CDH20: variants seen among roughly 807,000 people sequenced by gnomAD.
The protein encoded by CDH20 is cadherin-20.
Under a neutral mutation model 74.2 loss-of-function variants are expected in CDH20, and 29 were observed. The observed-to-expected ratio is 0.39, with a 90% CI of 0.29 to 0.53. CDH20 has a LOEUF of 0.53. Among genes scored for constraint, CDH20 ranks in the 20% least tolerant of loss-of-function variants. The probability of loss-of-function intolerance (pLI) is 0.69; values close to 1 mark genes in which losing one functional copy is unlikely to be tolerated. For synonymous variants in CDH20, 469 were observed against 405.4 expected (o/e 1.16, Z -1.88); for missense variants, 988 against 1,048.3 (o/e 0.94, Z 0.79).
chr18:61,494,686 C>T (rs1231433214), intron 2 of CDH20, among the ~76,000 whole-genome samples: 1 of 152,106 alleles, frequency 6.6e-6, no homozygotes, highest in Non-Finnish European at 1.5e-5. Context: ...CAATTATCAG[C>T]TGTAATTGGT....
At chr18:61,491,304 T>C (rs1435006267) in intron 2 of CDH20, among the ~76,000 whole-genome samples, 1 of 152,222 alleles carries the variant, frequency 6.6e-6, no homozygotes, top group African/African-American at 2.4e-5. Flanking sequence ...AATATATTTA[T>C]AAATGTTATA....
At position 61,502,782 on chromosome 18, in the gene CDH20, G is replaced by A. The variant is rs145400728; in HGVS notation, c.662-171G>A. ...AAGTTTTCATTCACCACTGGTTTCA[G>A]TACAGCCCATTTTTGAAGCTGAGAT... On this transcript the variant is annotated intron_variant, in intron 4 of 11. Transcript: ENST00000262717. Among the ~76,000 whole-genome samples, 22 of 152,296 alleles carry A rather than the reference G, an allele frequency of 1.4e-4. No homozygotes were observed. The East Asian group carries it at 4.1e-3, about 28-fold the overall frequency.
At chr18:61,345,180 G>T (rs1910075573) in intron 1 of CDH20, among the ~76,000 whole-genome samples, 1 of 152,232 alleles carries the variant, frequency 6.6e-6, no homozygotes, top group African/African-American at 2.4e-5. Context: ...TTCAGCATTT[G>T]CTTTCTAAAG....
At chr18:61,495,326 A>G (rs535989469) in intron 2 of CDH20, among the ~76,000 whole-genome samples, 1 of 152,238 alleles carries the variant, frequency 6.6e-6, no homozygotes, top group East Asian at 1.9e-4. Flanking sequence ...ACGGCTGGTA[A>G]AGCGGAATAT....
chr18:61,428,414 CT>C (rs1913144655), intron 1 of CDH20, among the ~76,000 whole-genome samples: 1 of 152,124 alleles, frequency 6.6e-6, no homozygotes, highest in South Asian at 2.1e-4. Flanking sequence ...GGCCATTTTT[CT>C]TCTCCTTTGA....
intron 1 of CDH20, among the ~76,000 whole-genome samples, chr18:61,475,848 C>T (rs1163695770): frequency 6.6e-6 from 1 of 152,190 alleles, no homozygotes; most frequent in Non-Finnish European, 1.5e-5. Context: ...ACACCTGTCA[C>T]ATCATAAATG....
intron 1 of CDH20, among the ~76,000 whole-genome samples, chr18:61,355,221 C>G (rs866861564): frequency 6.6e-6 from 1 of 152,114 alleles, no homozygotes; most frequent in South Asian, 2.1e-4. Flanking sequence ...TCAAATTATT[C>G]TACTGTTTTT....
intron 1 of CDH20, among the ~76,000 whole-genome samples, chr18:61,483,731 C>T (rs1410785485): frequency 6.6e-6 from 1 of 152,188 alleles, no homozygotes; most frequent in Non-Finnish European, 1.5e-5. Context: ...CTTTAACCAT[C>T]TCTCAAATGT....
intron 1 of CDH20, among the ~76,000 whole-genome samples, chr18:61,394,860 T>C (rs9636098): frequency 0.25 from 37,998 of 151,408 alleles, 5,208 homozygotes; most frequent in Middle Eastern, 0.4. Flanking sequence ...CCTCACCCTG[T>C]CTCTCTCCAT....
chr18:61,553,388 AT>A (rs1180609463), intron 11 of CDH20, among the ~76,000 whole-genome samples: 2 of 152,192 alleles, frequency 1.3e-5, no homozygotes, highest in African/African-American at 4.8e-5. Flanking sequence ...CAGCGAACAC[AT>A]TCTAGGGGGG....
rs188381903 is a variant in CDH20, at chr18:61,389,160, C to T, written c.-153+55333C>T. ...CTTTCGTCTGAGGAGTCCTCGATTA[C>T]CTGCTTTACATAGTAGGCTCCAGAA... On this transcript the variant is annotated intron_variant, in intron 1 of 11. Coordinates refer to ENST00000262717, the MANE Select transcript of CDH20 (RefSeq NM_031891.4). 9.2e-5 allele frequency among the ~76,000 whole-genome samples: 14 copies of T among 152,216 alleles called. No homozygotes were observed. The East Asian group carries it at 2.7e-3, about 29-fold the overall frequency.
intron 1 of CDH20, among the ~76,000 whole-genome samples, chr18:61,381,514 TAG>T (rs1247167233): frequency 2.0e-5 from 3 of 152,348 alleles, no homozygotes; most frequent in Non-Finnish European, 2.9e-5. Flanking sequence ...CTTCTTTGAA[TAG>T]AGAGGTACCA....
At chr18:61,545,523 C>T (rs1389253076) in intron 10 of CDH20, among the ~76,000 whole-genome samples, 1 of 152,080 alleles carries the variant, frequency 6.6e-6, no homozygotes, top group African/African-American at 2.4e-5. Context: ...CTGTCCCGTG[C>T]CAGAAACACT....
chr18:61,466,290 C>A (rs192298055), intron 1 of CDH20, among the ~76,000 whole-genome samples: 33 of 152,226 alleles, frequency 2.2e-4, no homozygotes, highest in African/African-American at 7.5e-4. Context: ...GTTGTACTTA[C>A]AACATTTACA....
intron 1 of CDH20, among the ~76,000 whole-genome samples, chr18:61,338,984 T>C (rs1458050522): frequency 6.6e-6 from 1 of 152,198 alleles, no homozygotes; most frequent in Admixed American, 6.5e-5. Flanking sequence ...ATTTTCAAGT[T>C]AAATAAATTT....
chr18:61,402,544 C>T (rs1912189517), intron 1 of CDH20, among the ~76,000 whole-genome samples: 1 of 152,102 alleles, frequency 6.6e-6, no homozygotes, highest in Admixed American at 6.5e-5. Flanking sequence ...TAAACTACTC[C>T]CTGATTGTAA....
chr18:61,489,080 C>T (rs909092457), intron 1 of CDH20, among the ~76,000 whole-genome samples: 1 of 152,246 alleles, frequency 6.6e-6, no homozygotes, highest in African/African-American at 2.4e-5. Flanking sequence ...CACAGCCTCC[C>T]ATTCTGCTAC....
intron 1 of CDH20, among the ~76,000 whole-genome samples, chr18:61,351,399 A>ACTTAAATT (rs1910301863): frequency 1.3e-5 from 2 of 152,152 alleles, no homozygotes; most frequent in African/African-American, 4.8e-5. Flanking sequence ...TGAGCAAGTT[A>ACTTAAATT]CTTAAATTTC....
intron 9 of CDH20, among the ~76,000 whole-genome samples, chr18:61,541,090 G>A (rs565766848): frequency 5.3e-5 from 8 of 152,096 alleles, no homozygotes; most frequent in African/African-American, 9.6e-5. Flanking sequence ...CCCAAGAAAC[G>A]ATCCATGTTA....
Sources: allele counts gnomAD v4.1 joint callset (sites outside exome capture counted in the v4.1 genomes callset), GRCh38; gene constraint gnomAD v4.1.1; transcripts MANE v1.5; gene names NCBI Gene and HGNC (gene_info 2026-07-23, HGNC 2026-07-21).